Variants in TULP4 observed in about 807,000 individuals in gnomAD.
TULP4 encodes the protein tubby-related protein 4.
Under a neutral mutation model 129.0 loss-of-function variants are expected in TULP4, and 16 were observed. The observed-to-expected ratio is 0.12, with a 90% confidence interval of 0.08 to 0.19. The LOEUF (loss-of-function observed/expected upper bound fraction) is 0.19. Among genes scored for constraint, TULP4 ranks in the 10% least tolerant of loss-of-function variants. TULP4 has a pLI of 1.00. For synonymous variants in TULP4, 998 were observed against 854.0 expected (o/e 1.17, Z -2.94); for missense variants, 1,842 against 2,059.1 (o/e 0.89, Z 2.04).
chr6:158,318,463 G>A (rs1182165379), intron 1 of TULP4, among the ~76,000 whole-genome samples: 2 of 152,174 alleles, frequency 1.3e-5, no homozygotes, highest in East Asian at 3.8e-4. Flanking sequence ...GCCTGACGTG[G>A]TTTCAGACAT....
chr6:158,343,266 G>C (rs1052367937), intron 1 of TULP4, among the ~76,000 whole-genome samples: 1 of 152,160 alleles, frequency 6.6e-6, no homozygotes, highest in Non-Finnish European at 1.5e-5. Context: ...GGTTGAAACT[G>C]TGTCCAAAAT....
At chr6:158,314,619 C>T (rs150057879) in intron 1 of TULP4, among the ~76,000 whole-genome samples, 2 of 152,162 alleles carry the variant, frequency 1.3e-5, no homozygotes, top group East Asian at 1.9e-4. Flanking sequence ...ACCAACTTTT[C>T]GTGCTCCAAG....
rs575753063 is a variant in TULP4 at position 158,507,955 on chromosome 6, C to A, written c.*1261C>A. 1 of 152,222 alleles carries A rather than the reference C, an allele frequency of 6.6e-6. No individual in the cohort carries two copies. Among genetic ancestry groups the A allele is most frequent in the Admixed American group, 6.5e-5 (1 of 15,302 alleles). The allele number at this position is 152,222 out of a possible 1,614,324, so 9.4% of individuals were successfully genotyped here. A position where few individuals can be genotyped will look rare whatever the true frequency, so the allele number is the denominator to read the frequency against. Reference sequence around the variant, plus strand: ...CAAAAAAAGTTGTTTATTAACTGTACAGACTGTTTACTAAGGAGCTAAACC... The same window carrying A: ...CAAAAAAAGTTGTTTATTAACTGTAAAGACTGTTTACTAAGGAGCTAAACC... On this transcript the variant is annotated 3_prime_UTR_variant, in exon 14 of 14. Transcript: ENST00000367097.
chr6:158,237,833 T>C, intron 1 of TULP4: 1 of 759,948 alleles, frequency 1.3e-6, no homozygotes, highest in South Asian at 1.3e-5. Context: ...AAATGTTTAC[T>C]AAGAGCTGTG....
chr6:158,327,608 T>A (rs1237656259), intron 1 of TULP4, among the ~76,000 whole-genome samples: 2 of 152,200 alleles, frequency 1.3e-5, no homozygotes, highest in Admixed American at 6.5e-5. Context: ...GCTGCTCCAG[T>A]TCTTATTTTA....
At chr6:158,358,441 T>A (rs1005752845) in intron 1 of TULP4, among the ~76,000 whole-genome samples, 1 of 152,234 alleles carries the variant, frequency 6.6e-6, no homozygotes, top group South Asian at 2.1e-4. Context: ...TTGAATTGCT[T>A]CATTTGGGAA....
intron 1 of TULP4, among the ~76,000 whole-genome samples, chr6:158,322,907 T>C (rs926044847): frequency 2.6e-5 from 4 of 152,178 alleles, no homozygotes; most frequent in Non-Finnish European, 4.4e-5. Context: ...TGAGGCTTCC[T>C]AGAGATTGTG....
chr6:158,456,241 G>T (rs981180693), intron 5 of TULP4, among the ~76,000 whole-genome samples: 3 of 152,186 alleles, frequency 2.0e-5, no homozygotes, highest in African/African-American at 7.2e-5. Context: ...GTCTTTCCTG[G>T]TTATTTGGGG....
In TULP4 at chr6:158,413,810, G is replaced by A. The variant is rs891051258; in HGVS notation, c.381+617G>A. Reference sequence around the variant, plus strand: ...AGGACGGCTTCATGGTGCACCTTTTGTATGGGTTTAAGGACACACATTGGA... The same window carrying A: ...AGGACGGCTTCATGGTGCACCTTTTATATGGGTTTAAGGACACACATTGGA... On this transcript the variant is annotated intron_variant, in intron 2 of 13. Coordinates refer to ENST00000367097, the MANE Select transcript of TULP4 (RefSeq NM_020245.5). This position sits in a 1 kb window ranked among gnomAD's most constrained non-coding sequence, Gnocchi z 4.9. 6.6e-6 allele frequency among the ~76,000 whole-genome samples: 1 copy of A among 152,234 alleles called. No individual in the cohort carries two copies. Among genetic ancestry groups the A allele is most frequent in the Non-Finnish European group, 1.5e-5 (1 of 68,040 alleles).
intron 1 of TULP4, among the ~76,000 whole-genome samples, chr6:158,364,732 TTTTG>T (rs1235905232): frequency 6.6e-6 from 1 of 152,076 alleles, no homozygotes; most frequent in Non-Finnish European, 1.5e-5. Context: ...TAGATTTGTT[TTTTG>T]TTTGTTTGTT....
At chr6:158,251,081 A>T (rs552264987) in intron 1 of TULP4, among the ~76,000 whole-genome samples, 6 of 152,360 alleles carry the variant, frequency 3.9e-5, no homozygotes, top group African/African-American at 1.4e-4. Context: ...GGGCGCATTC[A>T]CAAATTAGAT....
chr6:158,441,904 C>T (rs1028375039), intron 3 of TULP4, among the ~76,000 whole-genome samples: 1 of 152,186 alleles, frequency 6.6e-6, no homozygotes, highest in Non-Finnish European at 1.5e-5. Context: ...TTTGATAGGG[C>T]CCATCTCCCA....
chr6:158,364,035 A>G (rs1780862667), intron 1 of TULP4, among the ~76,000 whole-genome samples: 1 of 152,260 alleles, frequency 6.6e-6, no homozygotes, highest in African/African-American at 2.4e-5. Context: ...TGGAGGAAAT[A>G]GAACGTATCA....
intron 1 of TULP4, among the ~76,000 whole-genome samples, chr6:158,322,356 A>G (rs192336380): frequency 1.3e-5 from 2 of 152,184 alleles, no homozygotes; most frequent in African/African-American, 4.8e-5. Flanking sequence ...CTGTTTTTCC[A>G]TATCTTGATT....
intron 1 of TULP4, among the ~76,000 whole-genome samples, chr6:158,256,732 A>G (rs1032148776): frequency 6.6e-6 from 1 of 152,222 alleles, no homozygotes; most frequent in Admixed American, 6.5e-5. Context: ...GAAAAGCTAC[A>G]GTATTCTTGT....
At chr6:158,353,749 A>G (rs1278709610) in intron 1 of TULP4, among the ~76,000 whole-genome samples, 1 of 152,222 alleles carries the variant, frequency 6.6e-6, no homozygotes, top group Non-Finnish European at 1.5e-5. Flanking sequence ...TCTATCTTTA[A>G]ATCTCTGTGA....
intron 1 of TULP4, among the ~76,000 whole-genome samples, chr6:158,410,250 A>G (rs976709533): frequency 6.6e-6 from 1 of 152,224 alleles, no homozygotes; most frequent in African/African-American, 2.4e-5. Flanking sequence ...AAAATCTTCA[A>G]TTTCACATTA....
chr6:158,310,942 T>A (rs922750054), upstream of TULP4, among the ~76,000 whole-genome samples: 25 of 152,172 alleles, frequency 1.6e-4, no homozygotes, highest in African/African-American at 6.0e-4. Flanking sequence ...TCAAAGATGT[T>A]CTTAAGTGAG....
At chr6:158,418,122 C>CAG (rs1562557719) in intron 2 of TULP4, among the ~76,000 whole-genome samples, 15 of 138,828 alleles carry the variant, frequency 1.1e-4, no homozygotes, top group Non-Finnish European at 2.2e-4. Context: ...TTTTTGGGAG[C>CAG]GGGGGAGACA....
Sources: allele counts gnomAD v4.1 joint callset (sites outside exome capture counted in the v4.1 genomes callset), GRCh38; gene constraint gnomAD v4.1.1; non-coding constraint Gnocchi (gnomAD v3.1); transcripts MANE v1.5; gene names NCBI Gene and HGNC (gene_info 2026-07-23, HGNC 2026-07-21).